MEX3C: variants seen among roughly 807,000 people sequenced by gnomAD.
MEX3C encodes RNA-binding E3 ubiquitin-protein ligase MEX3C.
A neutral mutation model predicts 35.5 loss-of-function variants in MEX3C; 15 were observed. The observed-to-expected ratio is 0.42, with a 90% confidence interval of 0.28 to 0.65. The LOEUF is 0.65. MEX3C is among the 30% of genes least tolerant of loss of function. The pLI is 0.20. For missense variants in MEX3C, 711 were observed against 842.8 expected (o/e 0.84, Z 1.94); for synonymous variants, 390 against 352.8 (o/e 1.11, Z -1.18).
At position 51,177,044 on chromosome 18, in the gene MEX3C, A is replaced by C. The variant is rs759741885; in HGVS notation, c.1287T>G (p.Asn429Lys). 1 of 1,614,008 alleles carries C rather than the reference A, an allele frequency of 6.2e-7. No individual in the cohort carries two copies. The highest frequency in any genetic ancestry group is 8.5e-7 in the Non-Finnish European group (1 of 1,179,892). ...TTCTTGCGCGGCTAGGAGGAACAGG[A>C]TTGGAGGAGAGCCACGCAGAGCCAA... The part of the protein sequence containing the change: ...GTLGSAWLSS[N>K]PVPPSRARMI... The change falls in exon 2 of 2, where the codon AAT (asparagine) becomes AAG (lysine). Residue 429 changes from asparagine (N) to lysine (K), a missense_variant. Transcript: ENST00000406189. The surrounding 1 kb of genome is among the most constrained non-coding windows in gnomAD (Gnocchi z 4.2).
chr18:51,179,765 G>A lies in MEX3C; in HGVS notation c.755-2189C>T, dbSNP rs191452818. 1.3e-3 allele frequency among the ~76,000 whole-genome samples: 203 copies of A among 152,296 alleles called. 1 individual carries two copies. The highest frequency in any genetic ancestry group is 4.4e-3 in the African/African-American group (182 of 41,566). On this transcript the variant is annotated intron_variant, in intron 1 of 1. Transcript: ENST00000406189. ...TGTCCAGGAGATTCCCTCATTTAGT[G>A]CAGCAGGTGCAGTTTGGTGTGCAGA...
chr18:51,185,248 G>A (rs1912513113), intron 1 of MEX3C, among the ~76,000 whole-genome samples: 1 of 152,202 alleles, frequency 6.6e-6, no homozygotes, highest in African/African-American at 2.4e-5. Context: ...GTCCTTGCTG[G>A]CTGTCAGCTG....
intron 1 of MEX3C, among the ~76,000 whole-genome samples, chr18:51,185,357 C>A (rs1225380887): frequency 1.3e-5 from 2 of 152,170 alleles, no homozygotes; most frequent in Admixed American, 6.5e-5. Context: ...TGCTTCACAT[C>A]TTCTTTTTCA....
Position 51,196,219 on chromosome 18 carries a change from C to T in MEX3C, c.754+348G>A, listed in dbSNP as rs1912782811. ...CAATCTCGAAGCTTTCCGTACCCAA[C>T]AGCGAACCCACAACTCCTCGAGCCC... On this transcript the variant is annotated intron_variant, in intron 1 of 1. Coordinates refer to ENST00000406189, the MANE Select transcript of MEX3C (RefSeq NM_016626.5). 16 of 367,450 alleles carry T rather than the reference C, an allele frequency of 4.4e-5. No homozygotes were observed. In the South Asian group the frequency reaches 4.8e-4, roughly 11 times the overall value. The allele number at this position is 367,450 out of a possible 1,614,324, so 22.8% of individuals were successfully genotyped here.
In MEX3C at chr18:51,197,515, G is replaced by C. The variant is rs997089215; in HGVS notation, c.-195C>G. Among the ~76,000 whole-genome samples the C allele has an allele frequency of 6.7e-6, 1 of 149,910 alleles. No homozygotes were observed. On this transcript the variant is annotated 5_prime_UTR_variant, in exon 1 of 2. Coordinates refer to ENST00000406189, the MANE Select transcript of MEX3C (RefSeq NM_016626.5). ...CGGAGAGGGCGGGGTGGAGGGGCAGGGGAAGGAGGCAGAGGTAGGTAACTA... is the reference window on the plus strand; with the variant it reads ...CGGAGAGGGCGGGGTGGAGGGGCAGCGGAAGGAGGCAGAGGTAGGTAACTA...
chr18:51,175,477 A>C lies in MEX3C; in HGVS notation c.*874T>G, dbSNP rs1477124174. On this transcript the variant is annotated 3_prime_UTR_variant, in exon 2 of 2. Transcript: ENST00000406189. ...ACTAAAAAATAAAAATATATTTATA[A>C]TGTGCAAGACAAATATGGATTGAAC... 1 of 152,642 alleles carries C rather than the reference A, an allele frequency of 6.6e-6. No individual in the cohort carries two copies. Among genetic ancestry groups the C allele is most frequent in the Non-Finnish European group, 1.5e-5 (1 of 68,036 alleles). The allele number at this position is 152,642 out of a possible 1,614,324, so 9.5% of individuals were successfully genotyped here.
In MEX3C at chr18:51,175,032, G is replaced by GA. The variant is rs1568230421; in HGVS notation, c.*1318dup. 1 of 152,324 alleles carries GA rather than the reference G, an allele frequency of 6.6e-6. No homozygotes were observed. Among genetic ancestry groups the GA allele is most frequent in the South Asian group, 2.1e-4 (1 of 4,812 alleles). 9.4% of individuals were successfully genotyped at this position (152,324 alleles called of 1,614,324 possible). A position where few individuals can be genotyped will look rare whatever the true frequency, so the allele number is the denominator to read the frequency against. Reference sequence around the variant, plus strand: ...CCATCAAGGCAACTTTTTTTATACTGAAAAAATCAAAATAAAAACCGTTAT... The same window carrying GA: ...CCATCAAGGCAACTTTTTTTATACTGAAAAAAATCAAAATAAAAACCGTTAT... On this transcript the variant is annotated 3_prime_UTR_variant, in exon 2 of 2. Coordinates refer to ENST00000406189, the MANE Select transcript of MEX3C (RefSeq NM_016626.5).
rs1912333987 is a variant in MEX3C, at chr18:51,177,632, A to C, written c.755-56T>G. 1.3e-6 allele frequency: 2 copies of C among 1,501,984 alleles called. No homozygotes were observed. The highest frequency in any genetic ancestry group is 2.8e-5 in the African/African-American group (2 of 71,456). 93.0% of individuals were successfully genotyped at this position (1,501,984 alleles called of 1,614,324 possible). A position where few individuals can be genotyped will look rare whatever the true frequency, so the allele number is the denominator to read the frequency against. On this transcript the variant is annotated intron_variant, in intron 1 of 1. Transcript: ENST00000406189. The surrounding 1 kb of genome is among the most constrained non-coding windows in gnomAD (Gnocchi z 4.2). The stretch of plus-strand genomic sequence containing the variant: ...AACATCTACTTCAATGATATATATA[A>C]AGACAAATCACAGAATGCACCTTTT...
chr18:51,176,692 T>A lies in MEX3C; in HGVS notation c.1639A>T (p.Thr547Ser). The A allele has an allele frequency of 6.2e-7, 1 of 1,613,996 alleles. No homozygotes were observed. Among genetic ancestry groups the A allele is most frequent in the Non-Finnish European group, 8.5e-7 (1 of 1,179,882 alleles). Reference protein sequence around the residue: ...SQPSTPRLSPTFPESIEHPLA... With the variant: ...SQPSTPRLSPSFPESIEHPLA... ...GGATGTTCTATGCTCTCAGGAAATG[T>A]AGGAGACAGACGAGGAGTAGATGGC... The change falls in exon 2 of 2, where the codon ACA becomes TCA. Residue 547 changes from threonine (T) to serine (S), a missense_variant. Thr to Ser is a moderately conservative substitution (Grantham distance 58, BLOSUM62 1). Coordinates refer to ENST00000406189, the MANE Select transcript of MEX3C (RefSeq NM_016626.5).
At chr18:51,196,475 G>T (rs1271685193) in intron 1 of MEX3C, 92 bp downstream of exon 1, 1 of 1,485,384 alleles carries the variant, frequency 6.7e-7, no homozygotes, top group Admixed American at 2.2e-5. Context: ...GGCCTCGCCG[G>T]GTTCGCCTTT....
rs1912294351 is a variant in MEX3C, at chr18:51,176,069, C to T, written c.*282G>A. On this transcript the variant is annotated 3_prime_UTR_variant, in exon 2 of 2. Transcript: ENST00000406189. ...CTCACACAACCTATGATTATCTTCA[C>T]TCAGCCAAGTTGAACTTCAGCTTTA... The T allele has an allele frequency of 3.5e-6, 1 of 288,944 alleles. No homozygotes were observed. Among genetic ancestry groups the T allele is most frequent in the Admixed American group, 4.6e-5 (1 of 21,532 alleles). 17.9% of individuals were successfully genotyped at this position (288,944 alleles called of 1,614,324 possible).
intron 1 of MEX3C, among the ~76,000 whole-genome samples, chr18:51,179,301 C>T (rs993652152): frequency 1.3e-5 from 2 of 152,132 alleles, no homozygotes; most frequent in African/African-American, 4.8e-5. Flanking sequence ...CGCACCTGGC[C>T]GATGCTTTCT....
chr18:51,178,002 C>T (rs562346475), intron 1 of MEX3C, among the ~76,000 whole-genome samples: 3 of 151,966 alleles, frequency 2.0e-5, no homozygotes, highest in Non-Finnish European at 4.4e-5. Flanking sequence ...GGTGTACTCA[C>T]GCTAGTAACT....
intron 1 of MEX3C, among the ~76,000 whole-genome samples, chr18:51,178,546 A>G (rs1912352463): frequency 6.6e-6 from 1 of 152,120 alleles, no homozygotes; most frequent in African/African-American, 2.4e-5. Context: ...GTTCTCATGA[A>G]TATATCATAC....
At chr18:51,196,363 C>G (rs1026476826) in intron 1 of MEX3C, 1 of 1,215,118 alleles carries the variant, frequency 8.2e-7, no homozygotes, top group African/African-American at 1.6e-5. Context: ...ACACTTTTTA[C>G]CAGGCAAGAC....
chr18:51,196,797 C>T lies in MEX3C; in HGVS notation c.524G>A (p.Arg175Gln). The T allele has an allele frequency of 2.0e-6, 3 of 1,530,376 alleles. No homozygotes were observed. Among genetic ancestry groups the T allele is most frequent in the Non-Finnish European group, 8.7e-7 (1 of 1,144,104 alleles). The allele number at this position is 1,530,376 out of a possible 1,614,324, so 94.8% of individuals were successfully genotyped here. ...VLLPAARFDA[R>Q]EAAAAAAAAG... ...CGCCGCCGCCGCGGCCGCCGCCTCC[C>T]GGGCATCGAACCTGGCGGCTGGCAG... The change falls in exon 1 of 2, where the codon CGG (arginine) becomes CAG (glutamine). Residue 175 changes from arginine (R) to glutamine (Q), a missense_variant. Transcript: ENST00000406189.
At chr18:51,195,377 C>T (rs766058866) in intron 1 of MEX3C, 1 of 152,158 alleles carries the variant, frequency 6.6e-6, no homozygotes, top group South Asian at 2.1e-4. Flanking sequence ...TCTCCTTTAT[C>T]CAGATTTCAG....
intron 1 of MEX3C, among the ~76,000 whole-genome samples, chr18:51,187,065 G>C (rs549270324): frequency 1.3e-5 from 2 of 151,998 alleles, no homozygotes; most frequent in Admixed American, 6.6e-5. Flanking sequence ...AAACTCTTTG[G>C]CCTGAAATTA....
chr18:51,178,247 A>G (rs2144547462), intron 1 of MEX3C, among the ~76,000 whole-genome samples: 1 of 152,332 alleles, frequency 6.6e-6, no homozygotes, highest in African/African-American at 2.4e-5. Flanking sequence ...TTATTCAAGG[A>G]CTGCTCTGAT....
Sources: gnomAD v4.1 joint callset for allele counts (sites outside exome capture counted in the v4.1 genomes callset) on GRCh38, gnomAD v4.1.1 for gene constraint, Gnocchi (gnomAD v3.1) non-coding constraint, MANE v1.5 for transcripts, NCBI Gene and HGNC (gene_info 2026-07-23, HGNC 2026-07-21) for gene names.